The following CPOX variants were observed in gnomAD, a reference collection of about 807,000 sequenced individuals.
CPOX encodes oxygen-dependent coproporphyrinogen-III oxidase, mitochondrial.
Under a neutral mutation model 48.9 loss-of-function variants are expected in CPOX, and 24 were observed. The observed-to-expected ratio is 0.49, with a 90% CI of 0.36 to 0.69. The LOEUF (loss-of-function observed/expected upper bound fraction) is 0.69. CPOX is among the 30% of genes least tolerant of loss of function. CPOX has a pLI of 0.00. For synonymous variants in CPOX, 249 were observed against 234.6 expected (o/e 1.06, Z -0.56); for missense variants, 549 against 597.3 (o/e 0.92, Z 0.84).
At chr3:98,584,644 G>A (rs1707324447) in intron 5 of CPOX, among the ~76,000 whole-genome samples, 1 of 152,190 alleles carries the variant, frequency 6.6e-6, no homozygotes, top group Non-Finnish European at 1.5e-5. Flanking sequence ...CCATGTTTCA[G>A]TAGTATACAG....
downstream of CPOX, among the ~76,000 whole-genome samples, chr3:98,576,455 T>G (rs1264826767): frequency 6.6e-6 from 1 of 152,200 alleles, no homozygotes; most frequent in Non-Finnish European, 1.5e-5. Flanking sequence ...TTTGGGGGAT[T>G]ACAATTCCAG....
chr3:98,593,567 C>A lies in CPOX; in HGVS notation c.-63G>T. The A allele has an allele frequency of 2.0e-6, 3 of 1,468,006 alleles. No individual in the cohort carries two copies. Among genetic ancestry groups the A allele is most frequent in the Non-Finnish European group, 2.7e-6 (3 of 1,102,224 alleles). 90.9% of individuals were successfully genotyped at this position (1,468,006 alleles called of 1,614,324 possible). The stretch of plus-strand genomic sequence containing the variant: ...AGAGCCCTGCGTTTGAGCCCCCCAC[C>A]CAGACCCCCGGAGTATTGAGCCGGC... On this transcript the variant is annotated 5_prime_UTR_variant, in exon 1 of 7. Coordinates refer to ENST00000647941, the MANE Select transcript of CPOX (RefSeq NM_000097.7).
chr3:98,588,313 T>C (rs964075713), intron 4 of CPOX, among the ~76,000 whole-genome samples: 2 of 152,244 alleles, frequency 1.3e-5, no homozygotes, highest in Non-Finnish European at 2.9e-5. Flanking sequence ...CTCTGGTATG[T>C]TGGCATCTCC....
In CPOX at chr3:98,588,844, C is replaced by T. The variant is rs766771353; in HGVS notation, c.822G>A (p.Gln274=). Residue 274 remains glutamine, a synonymous_variant, in exon 4 of 7, where the codon CAG becomes CAA. Transcript: ENST00000647941. ...FEVEEADGNK[Q]WWFGGGCDLT... is the part of the protein sequence containing the mutation. Reference sequence around the variant, plus strand: ...GGTCACATCCACCACCAAACCACCACTGCTTGTTGCCTACCAAATCAAGAC... The same window carrying T: ...GGTCACATCCACCACCAAACCACCATTGCTTGTTGCCTACCAAATCAAGAC... 2 of 1,614,176 alleles carry T rather than the reference C, an allele frequency of 1.2e-6. No individual in the cohort carries two copies. Among genetic ancestry groups the T allele is most frequent in the Non-Finnish European group, 8.5e-7 (1 of 1,180,016 alleles).
At chr3:98,581,972 A>G (rs1312804677) in intron 5 of CPOX, among the ~76,000 whole-genome samples, 1 of 152,234 alleles carries the variant, frequency 6.6e-6, no homozygotes, top group Non-Finnish European at 1.5e-5. Context: ...CTGACCTGAA[A>G]GGCCAACTAC....
chr3:98,578,471 C>A (rs970652651), downstream of CPOX, among the ~76,000 whole-genome samples: 1 of 152,214 alleles, frequency 6.6e-6, no homozygotes, highest in East Asian at 1.9e-4. Flanking sequence ...AAGTATTATT[C>A]ACATATACAA....
Position 98,591,000 on chromosome 3 carries a change from T to G in CPOX, c.700+12A>C, listed in dbSNP as rs201663136. ...AGGGACTATTAGAGACTATCAAGAC[T>G]GTCTGATTTACCATCTTTAGTCTTC... is the stretch of plus-strand genomic sequence containing the variant. On this transcript the variant is annotated intron_variant, in intron 2 of 6. Transcript: ENST00000647941. 3 of 1,614,030 alleles carry G rather than the reference T, an allele frequency of 1.9e-6. No homozygotes were observed. The highest frequency in any genetic ancestry group is 2.7e-5 in the African/African-American group (2 of 75,066).
chr3:98,580,756 T>G lies in CPOX; in HGVS notation c.1292A>C (p.His431Pro). 6.2e-7 allele frequency: 1 copy of G among 1,613,946 alleles called. No individual in the cohort carries two copies. Among genetic ancestry groups the G allele is most frequent in the Non-Finnish European group, 8.5e-7 (1 of 1,179,992 alleles). The change falls in exon 7 of 7, where the codon CAT becomes CCT. Residue 431 changes from histidine to proline, a missense_variant. His to Pro is a moderately conservative substitution (Grantham distance 77, BLOSUM62 -2). Transcript: ENST00000647941. ...LPLTARWEYM[H>P]SPSENSKEAE... ...TTCTTTGGAATTCTCTGAGGGTGAA[T>G]GCATGTACTCCCATCTATGCATGTC...
At chr3:98,593,605 CGGAAAGAA>C in exon 1 of CPOX, 1 of 1,259,442 alleles carries the variant, frequency 7.9e-7, no homozygotes, top group Non-Finnish European at 1.1e-6. Flanking sequence ...GCTGCACAGG[CGGAAAGAA>C]CCTTTCGAGA....
downstream of CPOX, among the ~76,000 whole-genome samples, chr3:98,575,008 C>T (rs1357076991): frequency 6.6e-6 from 1 of 152,204 alleles, no homozygotes; most frequent in Admixed American, 6.5e-5. Flanking sequence ...GAATGTCAAG[C>T]AGCAGGTGTG....
chr3:98,580,500 T>C lies in CPOX; in HGVS notation c.*183A>G, dbSNP rs1707237180. The stretch of plus-strand genomic sequence containing the variant: ...GTTTAATCAATTGACTCTGACAATC[T>C]GCCATCTCACCATTCATCACTGACA... On this transcript the variant is annotated 3_prime_UTR_variant, in exon 7 of 7. Transcript: ENST00000647941. 3.5e-6 allele frequency: 5 copies of C among 1,441,526 alleles called. No individual in the cohort carries two copies. The highest frequency in any genetic ancestry group is 4.5e-6 in the Non-Finnish European group (5 of 1,099,692). The allele number at this position is 1,441,526 out of a possible 1,614,324, so 89.3% of individuals were successfully genotyped here.
At chr3:98,588,498 TAA>T (rs1707409427) in intron 4 of CPOX, among the ~76,000 whole-genome samples, 1 of 152,218 alleles carries the variant, frequency 6.6e-6, no homozygotes, top group Non-Finnish European at 1.5e-5. Flanking sequence ...TCATTTGGAA[TAA>T]AAAGATATTA....
chr3:98,574,130 G>A, the CPOX span, among the ~76,000 whole-genome samples: 5 of 152,312 alleles, frequency 3.3e-5, no homozygotes, highest in Admixed American at 2.0e-4. Flanking sequence ...TACTGGTACA[G>A]GTAGCTTGCA....
At chr3:98,584,824 A>C (rs1448643198) in intron 5 of CPOX, among the ~76,000 whole-genome samples, 2 of 152,174 alleles carry the variant, frequency 1.3e-5, no homozygotes, top group Non-Finnish European at 2.9e-5. Flanking sequence ...GGTAAGAAGC[A>C]CAAACCTGCT....
intron 4 of CPOX, 81 bp downstream of exon 4, chr3:98,588,632 G>T: frequency 7.1e-7 from 1 of 1,409,674 alleles, no homozygotes; most frequent in Non-Finnish European, 1.0e-6. Flanking sequence ...AGCAGAAGAG[G>T]GTATTTAGTG....
Position 98,592,965 on chromosome 3 carries a change from C to T in CPOX, c.540G>A (p.Arg180=), listed in dbSNP as rs1247256868. The change falls in exon 1 of 7, where the codon CGG becomes CGA. Residue 180 remains arginine, a synonymous_variant. Coordinates refer to ENST00000647941, the MANE Select transcript of CPOX (RefSeq NM_000097.7). Reference sequence around the variant, plus strand: ...CCTCCTTACCTTCCTTCCTCTCCCACCGGTCCACAGAAAAGTTGGCGCCCC... The same window carrying T: ...CCTCCTTACCTTCCTTCCTCTCCCATCGGTCCACAGAAAAGTTGGCGCCCC... ...VDGGANFSVD[R]WERKEGGGGI... 1.2e-6 allele frequency: 2 copies of T among 1,613,126 alleles called. No individual in the cohort carries two copies. Among genetic ancestry groups the T allele is most frequent in the Non-Finnish European group, 1.7e-6 (2 of 1,179,706 alleles).
At chr3:98,590,981 TATTA>T in intron 2 of CPOX, 27 bp downstream of exon 2, 1 of 1,612,972 alleles carries the variant, frequency 6.2e-7, no homozygotes, top group Non-Finnish European at 8.5e-7. Flanking sequence ...TTGCAGGGAC[TATTA>T]GAGACTATCA....
chr3:98,581,335 A>C (rs1707254812), intron 6 of CPOX, 72 bp downstream of exon 6: 13 of 1,096,270 alleles, frequency 1.2e-5, no homozygotes, highest in Non-Finnish European at 1.7e-5. Context: ...CTGCAGTGTT[A>C]ACTTTCATAT....
rs980990836 is a variant in CPOX at position 98,592,936 on chromosome 3, C to T, written c.556+13G>A. On this transcript the variant is annotated intron_variant, in intron 1 of 6. Transcript: ENST00000647941. ...CCCTGTCTCCAACTCCCGCCAGGGG[C>T]CGGCCTCCTTACCTTCCTTCCTCTC... The T allele has an allele frequency of 5.0e-6, 8 of 1,608,504 alleles. No homozygotes were observed. The Admixed American group carries it at 8.4e-5, about 17-fold the overall frequency.
Sources: allele counts gnomAD v4.1 joint callset (sites outside exome capture counted in the v4.1 genomes callset), GRCh38; gene constraint gnomAD v4.1.1; transcripts MANE v1.5; gene names NCBI Gene and HGNC (gene_info 2026-07-23, HGNC 2026-07-21).